Variants in XRCC3 observed in about 807,000 individuals in gnomAD.
XRCC3 encodes X-ray repair cross complementing 3.
In XRCC3, 34 loss-of-function variants were observed where a neutral mutation model predicts 29.2. That is an observed-to-expected ratio of 1.16 (90% CI 0.88 to 1.55). The LOEUF (loss-of-function observed/expected upper bound fraction) is 1.55. XRCC3 is among the 40% of genes most tolerant of loss of function. The pLI is 0.00. For synonymous variants in XRCC3, 223 were observed against 211.3 expected (o/e 1.06, Z -0.48); for missense variants, 463 against 467.6 (o/e 0.99, Z 0.09).
chr14:103,708,812 G>A (rs1434450873), intron 4 of XRCC3, 153 bp from the exon 5 acceptor site: 1 of 978,900 alleles, frequency 1.0e-6, no homozygotes, highest in African/African-American at 1.6e-5. Flanking sequence ...CCTGCTCCCT[G>A]GAAACCCTGG....
chr14:103,702,969 C>T (rs1295641438), intron 7 of XRCC3: 7 of 760,432 alleles, frequency 9.2e-6, no homozygotes, highest in Non-Finnish European at 1.5e-5. Context: ...AATTCCCTCC[C>T]CTGCCAGTTC....
In XRCC3 at chr14:103,708,396, G is replaced by C. The variant is rs540224542; in HGVS notation, c.193+126C>G. ...AAGCAAGATGGGAACTCTGGGGCTG[G>C]AGCAGCTGCCACACGCCCTGAGGCT... On this transcript the variant is annotated intron_variant, in intron 5 of 9. Coordinates refer to ENST00000555055, the MANE Select transcript of XRCC3 (RefSeq NM_005432.4). 92 of 1,402,148 alleles carry C rather than the reference G, an allele frequency of 6.6e-5. 1 individual carries two copies. In the South Asian group the frequency reaches 9.3e-4, roughly 14 times the overall value. The allele number at this position is 1,402,148 out of a possible 1,614,324, so 86.9% of individuals were successfully genotyped here.
At chr14:103,708,160 G>A in intron 5 of XRCC3, 1 of 374,106 alleles carries the variant, frequency 2.7e-6, no homozygotes, top group Non-Finnish European at 5.1e-6. Flanking sequence ...CCCACACGTG[G>A]TGGTGGGACC....
rs1178958765 is a variant in XRCC3, at chr14:103,711,456, C to A, written c.-159+10G>T. 3 of 495,970 alleles carry A rather than the reference C, an allele frequency of 6.0e-6. No homozygotes were observed. In the Admixed American group the frequency reaches 6.9e-5, roughly 11 times the overall value. 30.7% of individuals were successfully genotyped at this position (495,970 alleles called of 1,614,324 possible). ...CCTCCTGCAGCAGTTGAGTGCCCTGCCCGACTCACCTCTCTGGGGCTTGGG... is the reference window on the plus strand; with the variant it reads ...CCTCCTGCAGCAGTTGAGTGCCCTGACCGACTCACCTCTCTGGGGCTTGGG... On this transcript the variant is annotated intron_variant, in intron 3 of 9. Transcript: ENST00000555055.
In XRCC3 at chr14:103,698,774, G is replaced by T. The variant is rs769885082; in HGVS notation, c.*24C>A. ...CCGTGTGTCGGGGCTTCTCAGGCAGGGCTGTTGTGCAGCCGCCACCGTGTC... is the reference window on the plus strand; with the variant it reads ...CCGTGTGTCGGGGCTTCTCAGGCAGTGCTGTTGTGCAGCCGCCACCGTGTC... On this transcript the variant is annotated 3_prime_UTR_variant, in exon 10 of 10. Transcript: ENST00000555055. 8 of 1,570,142 alleles carry T rather than the reference G, an allele frequency of 5.1e-6. No homozygotes were observed. In the South Asian group the frequency reaches 9.3e-5, roughly 18 times the overall value.
chr14:103,703,277 G>T lies in XRCC3; in HGVS notation c.457C>A (p.Gln153Lys). ...EDAFPHKRLQ[Q>K]LMAQQPRLRT... ...AGCCGCGGCTGCTGGGCCATGAGCT[G>T]CTGCAGGCGCTTGTGCGGGAAGGCG... The change falls in exon 7 of 10, where the codon CAG becomes AAG. Residue 153 changes from glutamine to lysine, a missense_variant. Physicochemically the swap from Gln to Lys is moderately conservative, Grantham distance 53. Coordinates refer to ENST00000555055, the MANE Select transcript of XRCC3 (RefSeq NM_005432.4). 6.4e-7 allele frequency: 1 copy of T among 1,558,350 alleles called. No homozygotes were observed. Among genetic ancestry groups the T allele is most frequent in the Non-Finnish European group, 8.7e-7 (1 of 1,153,360 alleles).
At chr14:103,706,417 G>A (rs1348421655) in intron 6 of XRCC3, 1 of 456,086 alleles carries the variant, frequency 2.2e-6, no homozygotes, top group Admixed American at 2.4e-5. Context: ...ATCGCATGTT[G>A]ACACCAGGGA....
chr14:103,699,178 A>G lies in XRCC3; in HGVS notation c.776T>C (p.Val259Ala). 2 of 1,562,604 alleles carry G rather than the reference A, an allele frequency of 1.3e-6. No homozygotes were observed. Among genetic ancestry groups the G allele is most frequent in the Non-Finnish European group, 1.7e-6 (2 of 1,157,582 alleles). The change falls in exon 9 of 10, where the codon GTG (valine) becomes GCG (alanine). Residue 259 changes from valine to alanine, a missense_variant and splice_region_variant. Transcript: ENST00000555055. ...GCCCTGCTCCTCCATGGCCTCTGTC[A>G]CCTGGAAGAGCACAGTCCAGGTCAG... ...FQSPVLCINQ[V>A]TEAMEEQGAA...
chr14:103,710,584 CA>C, intron 4 of XRCC3: 2 of 147,110 alleles, frequency 1.4e-5, no homozygotes, highest in Non-Finnish European at 3.0e-5. Flanking sequence ...ACTAAATTTA[CA>C]AAAAAATTAG....
At position 103,713,544 on chromosome 14, in the gene XRCC3, A is replaced by C. The variant is rs1252706704; in HGVS notation, c.-317-613T>G. 3.9e-5 allele frequency: 6 copies of C among 152,430 alleles called. No homozygotes were observed. In the East Asian group the frequency reaches 1.2e-3, roughly 29 times the overall value. The allele number at this position is 152,430 out of a possible 1,614,324, so 9.4% of individuals were successfully genotyped here. A position where few individuals can be genotyped will look rare whatever the true frequency, so the allele number is the denominator to read the frequency against. ...AGCAATGACTTCAGGGGGAGAGCTG[A>C]TGTCACGTGCTGCTAGGTGAGTACG... On this transcript the variant is annotated intron_variant, in intron 1 of 9. Transcript: ENST00000555055.
At chr14:103,710,478 T>G (rs11622220) in intron 4 of XRCC3, 1 of 152,712 alleles carries the variant, frequency 6.5e-6, no homozygotes, top group African/African-American at 2.4e-5. Context: ...CGGTGGCTCA[T>G]GCCTGTAATC....
chr14:103,702,854 C>T (rs529698771), intron 7 of XRCC3: 21 of 396,780 alleles, frequency 5.3e-5, no homozygotes, highest in African/African-American at 3.9e-4. Context: ...TCTCCGTATC[C>T]AGTCGCCCTC....
Position 103,703,256 on chromosome 14 carries a change from G to C in XRCC3, c.478C>G (p.Arg160Gly), listed in dbSNP as rs56347206. 6.4e-7 allele frequency: 1 copy of C among 1,560,964 alleles called. No homozygotes were observed. Among genetic ancestry groups the C allele is most frequent in the African/African-American group, 1.4e-5 (1 of 73,562 alleles). ...RLQQLMAQQP[R>G]LRTDVPGELL... ...TCTCCTGGAACGTCAGTGCGCAGCCGCGGCTGCTGGGCCATGAGCTGCTGC... is the reference window on the plus strand; with the variant it reads ...TCTCCTGGAACGTCAGTGCGCAGCCCCGGCTGCTGGGCCATGAGCTGCTGC... The change falls in exon 7 of 10, where the codon CGG (arginine) becomes GGG (glycine). Residue 160 changes from arginine to glycine, a missense_variant. Physicochemically the swap from Arg to Gly is moderately radical, Grantham distance 125. Transcript: ENST00000555055.
chr14:103,706,634 A>C, intron 6 of XRCC3: 31 of 377,566 alleles, frequency 8.2e-5, no homozygotes, highest in East Asian at 1.3e-4. Flanking sequence ...GCGGCGGGGC[A>C]CCCGGGGAAA....
intron 4 of XRCC3, chr14:103,708,872 C>T (rs938733504): frequency 1.5e-5 from 9 of 597,572 alleles, no homozygotes; most frequent in South Asian, 3.5e-5. Context: ...CTGGACACTG[C>T]GCCCTGAGTC....
At chr14:103,713,655 G>A (rs911564990) in intron 1 of XRCC3, 1 of 152,478 alleles carries the variant, frequency 6.6e-6, no homozygotes, top group Non-Finnish European at 1.5e-5. Context: ...AGCCTTCCGA[G>A]GTGGACTCAC....
Position 103,707,291 on chromosome 14 carries a change from C to T in XRCC3, c.194-76G>A, listed in dbSNP as rs1264684587. The T allele has an allele frequency of 3.3e-6, 5 of 1,515,096 alleles. No individual in the cohort carries two copies. The East Asian group carries it at 7.4e-5, about 22-fold the overall frequency. The allele number at this position is 1,515,096 out of a possible 1,614,324, so 93.9% of individuals were successfully genotyped here. ...GGCTGGGGACTGCGGGAGGCATGGT[C>T]AGCCTGCCTGTGCCAGGTGCAGTGT... On this transcript the variant is annotated intron_variant, in intron 5 of 9. Transcript: ENST00000555055.
In XRCC3 at chr14:103,699,499, G is replaced by C. The variant is rs932045336; in HGVS notation, c.639C>G (p.Asp213Glu). The C allele has an allele frequency of 1.2e-6, 2 of 1,612,886 alleles. No individual in the cohort carries two copies. Among genetic ancestry groups the C allele is most frequent in the African/African-American group, 2.7e-5 (2 of 74,880 alleles). ...SRGMARLVVIDSVAAPFRCEF... is the reference protein window; with the variant it reads ...SRGMARLVVIESVAAPFRCEF... ...CACAGCGGAATGGGGCTGCCACCGAGTCGATGACCACCAGGCGAGCCATGC... is the reference window on the plus strand; with the variant it reads ...CACAGCGGAATGGGGCTGCCACCGACTCGATGACCACCAGGCGAGCCATGC... Residue 213 changes from aspartate (D) to glutamate (E), a missense_variant, in exon 8 of 10, where the codon GAC (aspartate) becomes GAG (glutamate). Transcript: ENST00000555055.
At chr14:103,702,969 CCT>C in intron 7 of XRCC3, 1 of 760,550 alleles carries the variant, frequency 1.3e-6, no homozygotes. Context: ...AATTCCCTCC[CCT>C]GCCAGTTCCT....
Sources: gnomAD v4.1 joint callset for allele counts on GRCh38, gnomAD v4.1.1 for gene constraint, MANE v1.5 for transcripts, NCBI Gene and HGNC (gene_info 2026-07-23, HGNC 2026-07-21) for gene names.